The following VPS8 variants were observed in gnomAD, a reference collection of about 807,000 sequenced individuals.
The protein encoded by VPS8 is VPS8 subunit of CORVET complex.
Under a neutral mutation model 216.4 loss-of-function variants are expected in VPS8, and 129 were observed. That is an observed-to-expected ratio of 0.60 (90% CI 0.52 to 0.69). VPS8 has a LOEUF of 0.69. Among genes scored for constraint, VPS8 ranks in the 30% least tolerant of loss-of-function variants. VPS8 has a pLI of 0.00. For missense variants in VPS8, 1,531 were observed against 1,683.5 expected (o/e 0.91, Z 1.59); for synonymous variants, 571 against 565.4 (o/e 1.01, Z -0.14).
At chr3:184,813,053 A>G (rs940365165) in intron 1 of VPS8, among the ~76,000 whole-genome samples, 4 of 152,070 alleles carry the variant, frequency 2.6e-5, no homozygotes, top group African/African-American at 7.2e-5. Flanking sequence ...CTGGGGAAGG[A>G]GGGAAACAGC....
intron 25 of VPS8, among the ~76,000 whole-genome samples, chr3:184,903,991 A>T (rs1208425324): frequency 6.6e-6 from 1 of 151,982 alleles, no homozygotes; most frequent in Non-Finnish European, 1.5e-5. Context: ...TAAGTATTTT[A>T]TTCACCTTGA....
chr3:184,974,881 A>G (rs1206985638), intron 40 of VPS8, among the ~76,000 whole-genome samples: 2 of 152,008 alleles, frequency 1.3e-5, no homozygotes, highest in East Asian at 3.9e-4. Context: ...ATGTGGATTT[A>G]TTTCTGGGTT....
chr3:184,999,913 A>T lies in VPS8; in HGVS notation c.4002+52A>T, dbSNP rs192528757. On this transcript the variant is annotated intron_variant, in intron 45 of 47. Coordinates refer to ENST00000625842, the MANE Select transcript of VPS8 (RefSeq NM_001009921.3). ...GAAATGGTCTTTTCTTACCAATGTC[A>T]TTTGGGCCTGGTCTCATTTCCTTCG... 13 of 1,543,610 alleles carry T rather than the reference A, an allele frequency of 8.4e-6. No homozygotes were observed. The African/African-American group carries it at 1.8e-4, about 21-fold the overall frequency.
intron 36 of VPS8, among the ~76,000 whole-genome samples, chr3:184,944,201 C>T (rs762278205): frequency 3.3e-5 from 5 of 152,164 alleles, no homozygotes; most frequent in Non-Finnish European, 5.9e-5. Flanking sequence ...TTTATGTCAT[C>T]CTTGTTATGT....
intron 45 of VPS8, among the ~76,000 whole-genome samples, chr3:185,006,094 A>G (rs942574957): frequency 2.0e-5 from 3 of 152,218 alleles, no homozygotes; most frequent in African/African-American, 7.2e-5. Flanking sequence ...AAACTTCAGT[A>G]AGATCAAATC....
chr3:184,884,343 A>G (rs1578065604), intron 21 of VPS8, among the ~76,000 whole-genome samples: 1 of 151,818 alleles, frequency 6.6e-6, no homozygotes, highest in Non-Finnish European at 1.5e-5. Flanking sequence ...TGTCCTTGTG[A>G]TAGTTTGCTC....
At chr3:184,969,243 G>A (rs60200634) in intron 39 of VPS8, among the ~76,000 whole-genome samples, 25,614 of 151,092 alleles carry the variant, frequency 0.17, 2,499 homozygotes, top group African/African-American at 0.28. Flanking sequence ...TCAGCCTCCC[G>A]AGTAGCTGGG....
At chr3:185,020,345 A>C (rs745795598) in intron 45 of VPS8, among the ~76,000 whole-genome samples, 5 of 152,204 alleles carry the variant, frequency 3.3e-5, no homozygotes, top group African/African-American at 1.2e-4. Context: ...AGTGATTCCA[A>C]ATTTTAATAG....
At chr3:185,006,240 T>C (rs1754233247) in intron 45 of VPS8, among the ~76,000 whole-genome samples, 2 of 152,234 alleles carry the variant, frequency 1.3e-5, no homozygotes, top group Admixed American at 1.3e-4. Flanking sequence ...TTAGGTAATA[T>C]AAGAAGGAAG....
chr3:185,012,872 T>G (rs1755220915), intron 45 of VPS8, among the ~76,000 whole-genome samples: 1 of 152,166 alleles, frequency 6.6e-6, no homozygotes, highest in Non-Finnish European at 1.5e-5. Flanking sequence ...CCTTCAGAGC[T>G]GAGATCCTCA....
chr3:184,959,528 C>A (rs1034824357), intron 37 of VPS8, among the ~76,000 whole-genome samples: 2 of 152,102 alleles, frequency 1.3e-5, no homozygotes, highest in Non-Finnish European at 2.9e-5. Flanking sequence ...TAGCCACCGC[C>A]CCCCACCACC....
chr3:184,902,530 T>C (rs1734725975), intron 25 of VPS8, among the ~76,000 whole-genome samples: 1 of 151,652 alleles, frequency 6.6e-6, no homozygotes, highest in Non-Finnish European at 1.5e-5. Context: ...GCTTTTGCTA[T>C]TCTGTTTAAG....
At chr3:184,838,641 G>T in intron 5 of VPS8, 73 bp from the exon 6 acceptor site, 1 of 1,242,364 alleles carries the variant, frequency 8.0e-7, no homozygotes. Context: ...TATATGTAAA[G>T]CAAGAGCCAT....
Position 184,853,983 on chromosome 3 carries a change from A to G in VPS8, c.948A>G (p.Ser316=), listed in dbSNP as rs887066422. The G allele has an allele frequency of 3.1e-6, 5 of 1,613,626 alleles. No homozygotes were observed. The African/African-American group carries it at 5.3e-5, about 17-fold the overall frequency. ...AAGATCATCCCATCACACAGTTTTC[A>G]TTATTGGCCATGGCATCCTTGACAA... ...ELKDHPITQF[S]LLAMASLTKI... is the part of the protein sequence containing the mutation. The change falls in exon 12 of 48, where the codon TCA becomes TCG. Residue 316 remains serine, a synonymous_variant. Coordinates refer to ENST00000625842, the MANE Select transcript of VPS8 (RefSeq NM_001009921.3).
intron 33 of VPS8, among the ~76,000 whole-genome samples, chr3:184,930,089 A>T (rs997766209): frequency 6.6e-6 from 1 of 152,200 alleles, no homozygotes; most frequent in Non-Finnish European, 1.5e-5. Context: ...ATGTTCAAGG[A>T]GCTGAGTAGA....
intron 22 of VPS8, among the ~76,000 whole-genome samples, 172 bp from the exon 23 acceptor site, chr3:184,894,531 T>TATAC (rs1186136967): frequency 6.1e-5 from 6 of 98,972 alleles, no homozygotes; most frequent in South Asian, 6.9e-4. Context: ...TATATATATA[T>TATAC]ACACACACAC....
At chr3:184,828,436 G>A (rs1719282044) in intron 3 of VPS8, among the ~76,000 whole-genome samples, 1 of 152,052 alleles carries the variant, frequency 6.6e-6, no homozygotes, top group Admixed American at 6.6e-5. Flanking sequence ...ACCATACCTG[G>A]CCGATGCTTT....
At chr3:185,017,671 G>C (rs1755998510) in intron 45 of VPS8, among the ~76,000 whole-genome samples, 1 of 152,178 alleles carries the variant, frequency 6.6e-6, no homozygotes, top group Non-Finnish European at 1.5e-5. Flanking sequence ...GGTCCACAGA[G>C]CCCTGTTGGG....
At chr3:184,964,057 A>G (rs373589132) in intron 37 of VPS8, among the ~76,000 whole-genome samples, 3 of 151,720 alleles carry the variant, frequency 2.0e-5, no homozygotes, top group East Asian at 1.9e-4. Context: ...TTTTTTTACT[A>G]ATTAGAGATT....
Sources: allele counts gnomAD v4.1 joint callset (sites outside exome capture counted in the v4.1 genomes callset), GRCh38; gene constraint gnomAD v4.1.1; transcripts MANE v1.5; gene names NCBI Gene and HGNC (gene_info 2026-07-23, HGNC 2026-07-21).